Variants in VPS13B observed in about 807,000 individuals in gnomAD.
VPS13B encodes the protein intermembrane lipid transfer protein VPS13B.
Under a neutral mutation model 426.4 loss-of-function variants are expected in VPS13B, and 285 were observed. That is an observed-to-expected ratio of 0.67 (90% CI 0.61 to 0.74). The LOEUF is 0.74. Among genes scored for constraint, VPS13B ranks in the 30% least tolerant of loss-of-function variants. The pLI, the probability that VPS13B is intolerant of heterozygous loss-of-function variation, is 0.00. For missense variants in VPS13B, 4,537 were observed against 4,782.6 expected, an observed-to-expected ratio of 0.95 and a Z score of 1.51; for synonymous variants, 1,676 against 1,676.4, an observed-to-expected ratio of 1.00 and a Z score of 0.01.
Position 99,507,845 on chromosome 8 carries a change from C to T in VPS13B, c.4224+642C>T, listed in dbSNP as rs949322913. ...CCTGTACTGACAAGCTGAACAGACG[C>T]ACCTTGTTGGTTCGACCCATCAGCA... On this transcript the variant is annotated intron_variant, in intron 28 of 61. Coordinates refer to ENST00000357162, the MANE Select transcript of VPS13B (RefSeq NM_152564.5). The T allele has an allele frequency of 1.2e-6, 2 of 1,613,956 alleles. No individual in the cohort carries two copies. Among genetic ancestry groups the T allele is most frequent in the Non-Finnish European group, 1.7e-6 (2 of 1,179,978 alleles).
At chr8:99,252,107 GCTTA>G (rs1022647933) in intron 17 of VPS13B, among the ~76,000 whole-genome samples, 4 of 151,296 alleles carry the variant, frequency 2.6e-5, no homozygotes, top group Non-Finnish European at 4.4e-5. Flanking sequence ...TTTTGTCCAT[GCTTA>G]CTTTGGTTTT....
Position 99,512,939 on chromosome 8 carries a change from G to A in VPS13B, c.4633+1427G>A, listed in dbSNP as rs145066221. On this transcript the variant is annotated intron_variant, in intron 29 of 61. Coordinates refer to ENST00000357162, the MANE Select transcript of VPS13B (RefSeq NM_152564.5). ...TGGGATAATTGCTTGAACCCAGGAG[G>A]TGTAGGTTGCAGTGAGCCAAGATAG... 7.5e-3 allele frequency among the ~76,000 whole-genome samples: 1,131 copies of A among 151,676 alleles called. 8 individuals carry two copies. Among genetic ancestry groups the A allele is most frequent in the Non-Finnish European group, 0.012 (828 of 67,952 alleles).
chr8:99,270,901 A>G (rs571169823), intron 17 of VPS13B, among the ~76,000 whole-genome samples: 1 of 152,270 alleles, frequency 6.6e-6, no homozygotes, highest in African/African-American at 2.4e-5. Context: ...ACCACAGTAG[A>G]TGTTAAATAG....
chr8:99,617,132 G>A (rs1828130030), intron 33 of VPS13B, among the ~76,000 whole-genome samples: 1 of 152,146 alleles, frequency 6.6e-6, no homozygotes, highest in East Asian at 1.9e-4. Flanking sequence ...AAAGTCATAA[G>A]ATTTGACAAT....
chr8:99,022,578 C>T (rs941331019), intron 2 of VPS13B, among the ~76,000 whole-genome samples: 1 of 151,978 alleles, frequency 6.6e-6, no homozygotes, highest in African/African-American at 2.4e-5. Context: ...GTGTATTCTG[C>T]ACTTGTTGCT....
At chr8:99,425,299 C>T (rs201020058) in intron 21 of VPS13B, among the ~76,000 whole-genome samples, 21 of 152,200 alleles carry the variant, frequency 1.4e-4, no homozygotes, top group Admixed American at 3.3e-4. Context: ...TGATGAACAT[C>T]GATGCAAAAA....
intron 24 of VPS13B, among the ~76,000 whole-genome samples, chr8:99,477,750 G>A (rs1352827912): frequency 6.6e-6 from 1 of 152,156 alleles, no homozygotes; most frequent in Non-Finnish European, 1.5e-5. Context: ...TACTGTATCA[G>A]ACATTACTGT....
At chr8:99,727,694 G>A (rs553234977) in intron 39 of VPS13B, among the ~76,000 whole-genome samples, 2 of 151,846 alleles carry the variant, frequency 1.3e-5, no homozygotes, top group Non-Finnish European at 3.0e-5. Flanking sequence ...CCCACAACAC[G>A]TGGGAATTAT....
chr8:99,556,360 T>A (rs2133764330), intron 30 of VPS13B, 90 bp from the exon 31 acceptor site: 1 of 1,384,876 alleles, frequency 7.2e-7, no homozygotes, highest in East Asian at 2.5e-5. Context: ...AAAATGGTAT[T>A]GACACTATGT....
chr8:99,818,737 A>C lies in VPS13B; in HGVS notation c.8470A>C (p.Met2824Leu). The stretch of plus-strand genomic sequence containing the variant: ...GATTGTGTTCAGCCCTCTTTTTATC[A>C]TGAGGAGTCATCTTCCAGACCCCAT... ...RMIVFSPLFI[M>L]RSHLPDPIII... Residue 2824 changes from methionine (M) to leucine (L), a missense_variant, in exon 47 of 62, where the codon ATG becomes CTG. Transcript: ENST00000357162. The C allele has an allele frequency of 6.2e-7, 1 of 1,613,928 alleles. No individual in the cohort carries two copies. Among genetic ancestry groups the C allele is most frequent in the Non-Finnish European group, 8.5e-7 (1 of 1,179,928 alleles).
chr8:99,459,562 C>A (rs915660795), intron 23 of VPS13B, among the ~76,000 whole-genome samples: 2 of 152,136 alleles, frequency 1.3e-5, no homozygotes, highest in African/African-American at 4.8e-5. Flanking sequence ...AGGCTACAAA[C>A]CTGTACAGAA....
At chr8:99,238,576 A>G (rs2132878783) in intron 17 of VPS13B, among the ~76,000 whole-genome samples, 1 of 152,298 alleles carries the variant, frequency 6.6e-6, no homozygotes, top group African/African-American at 2.4e-5. Flanking sequence ...AATAAAAAAT[A>G]AGTTAAAGGA....
Position 99,600,080 on chromosome 8 carries a change from G to A in VPS13B, c.5220+22447G>A, listed in dbSNP as rs549442735. On this transcript the variant is annotated intron_variant, in intron 33 of 61. Coordinates refer to ENST00000357162, the MANE Select transcript of VPS13B (RefSeq NM_152564.5). ...AAAAATTGTTGGGCTACTCAGTGCA[G>A]CTTTTGTCAGAATGTGTATTACTTA... is the stretch of plus-strand genomic sequence containing the variant. Among the ~76,000 whole-genome samples, 7 of 152,222 alleles carry A rather than the reference G, an allele frequency of 4.6e-5. 1 individual carries two copies. The highest frequency in any genetic ancestry group is 1.7e-4 in the African/African-American group (7 of 41,552).
intron 33 of VPS13B, among the ~76,000 whole-genome samples, chr8:99,609,794 A>G (rs2133872581): frequency 6.6e-6 from 1 of 152,348 alleles, no homozygotes; most frequent in South Asian, 2.1e-4. Flanking sequence ...TCTTACCGCA[A>G]GTGTATGGTC....
rs542823962 is a variant in VPS13B at position 99,861,717 on chromosome 8, G to T, written c.11045-59G>T. On this transcript the variant is annotated intron_variant, in intron 57 of 61. Coordinates refer to ENST00000357162, the MANE Select transcript of VPS13B (RefSeq NM_152564.5). ...TGCTCCCGCTGCCTCTGAAACTACT[G>T]CCTTGGGGTCCATCATGTATGCGAC... The T allele has an allele frequency of 1.1e-4, 168 of 1,555,468 alleles. No homozygotes were observed. In the East Asian group the frequency reaches 4.0e-3, roughly 37 times the overall value.
At chr8:99,697,486 GA>G in intron 35 of VPS13B, 1 of 739,224 alleles carries the variant, frequency 1.4e-6, no homozygotes, top group Non-Finnish European at 2.5e-6. Context: ...GCTCTAAGCT[GA>G]AGGAGCAGAA....
At chr8:99,498,737 T>C (rs1821066324) in intron 25 of VPS13B, among the ~76,000 whole-genome samples, 1 of 152,120 alleles carries the variant, frequency 6.6e-6, no homozygotes, top group Non-Finnish European at 1.5e-5. Flanking sequence ...CTTCCTGTGT[T>C]TCAGTCTGAG....
At chr8:99,465,816 C>T (rs1819084462) in intron 23 of VPS13B, among the ~76,000 whole-genome samples, 1 of 151,996 alleles carries the variant, frequency 6.6e-6, no homozygotes, top group African/African-American at 2.4e-5. Context: ...GACAAAGTAC[C>T]ATAGTGCTGA....
chr8:99,065,449 A>G (rs953270375), intron 3 of VPS13B, among the ~76,000 whole-genome samples: 1 of 152,228 alleles, frequency 6.6e-6, no homozygotes, highest in African/African-American at 2.4e-5. Flanking sequence ...AAGGCCTTCG[A>G]CAAAATTTAA....
Sources: allele counts gnomAD v4.1 joint callset (sites outside exome capture counted in the v4.1 genomes callset), GRCh38; gene constraint gnomAD v4.1.1; transcripts MANE v1.5; gene names NCBI Gene and HGNC (gene_info 2026-07-23, HGNC 2026-07-21).